AGAP1: variants seen among roughly 807,000 people sequenced by gnomAD.
AGAP1 encodes the protein ArfGAP with GTPase domain, ankyrin repeat and PH domain 1.
AGAP1 carries 29 observed loss-of-function variants against 105.3 expected under a neutral mutation model. That is an observed-to-expected ratio of 0.28 (90% CI 0.21 to 0.38). The LOEUF (loss-of-function observed/expected upper bound fraction) is 0.38, where lower values mean the gene tolerates loss of function less well. Ranked by LOEUF, AGAP1 falls within the 10% of genes least tolerant of loss-of-function variation. The probability of loss-of-function intolerance (pLI) is 1.00; values close to 1 mark genes in which losing one functional copy is unlikely to be tolerated. For missense variants in AGAP1, 998 were observed against 1,165.1 expected (o/e 0.86, Z 2.09); for synonymous variants, 509 against 485.9 (o/e 1.05, Z -0.63).
intron 13 of AGAP1, among the ~76,000 whole-genome samples, chr2:235,968,854 C>T (rs3820775): frequency 4.6e-5 from 7 of 152,254 alleles, no homozygotes; most frequent in Admixed American, 2.6e-4. Flanking sequence ...TGGCCGCCGT[C>T]GCTGGTAGCG....
At chr2:235,946,949 C>T (rs2053527845) in intron 12 of AGAP1, among the ~76,000 whole-genome samples, 1 of 152,204 alleles carries the variant, frequency 6.6e-6, no homozygotes, top group African/African-American at 2.4e-5. Context: ...CCTTCTTCCC[C>T]ACCTTACTTC....
In AGAP1 at chr2:235,834,575, AGAAAATATTTTACCTG is replaced by A. The variant is rs1559542836; in HGVS notation, c.1050+27248_1050+27263del. Reference sequence around the variant, plus strand: ...ATTTACATATTCCATGCCTGCCTTGAGAAAATATTTTACCTGGAATGTCAGTTTTTTGGGTACCATC... The same window carrying A: ...ATTTACATATTCCATGCCTGCCTTGAGAATGTCAGTTTTTTGGGTACCATC... On this transcript the variant is annotated intron_variant, in intron 9 of 17. Coordinates refer to ENST00000304032, the MANE Select transcript of AGAP1 (RefSeq NM_001037131.3). 2.0e-5 allele frequency among the ~76,000 whole-genome samples: 3 copies of A among 152,158 alleles called. No individual in the cohort carries two copies. In the South Asian group the frequency reaches 6.2e-4, roughly 32 times the overall value.
intron 13 of AGAP1, among the ~76,000 whole-genome samples, chr2:235,978,800 G>A (rs2054965200): frequency 6.6e-6 from 1 of 152,080 alleles, no homozygotes; most frequent in African/African-American, 2.4e-5. Flanking sequence ...CCCCACCACT[G>A]CCCTTGAGAA....
In AGAP1 at chr2:235,569,568, C is replaced by G. The variant is rs1944453622; in HGVS notation, c.163+74719C>G. On this transcript the variant is annotated intron_variant, in intron 1 of 17. Coordinates refer to ENST00000304032, the MANE Select transcript of AGAP1 (RefSeq NM_001037131.3). This position sits in a 1 kb window ranked among gnomAD's most constrained non-coding sequence, Gnocchi z 5.9. Reference sequence around the variant, plus strand: ...GAATTCTGCCCTCTGCCCATGTGAGCATGGTCTGTGAGCAAACCTTCCTGT... The same window carrying G: ...GAATTCTGCCCTCTGCCCATGTGAGGATGGTCTGTGAGCAAACCTTCCTGT... Among the ~76,000 whole-genome samples the G allele has an allele frequency of 6.6e-6, 1 of 152,186 alleles. No homozygotes were observed. Among genetic ancestry groups the G allele is most frequent in the African/African-American group, 2.4e-5 (1 of 41,442 alleles).
intron 9 of AGAP1, among the ~76,000 whole-genome samples, chr2:235,881,760 G>A (rs2050035640): frequency 6.6e-6 from 1 of 152,212 alleles, no homozygotes; most frequent in Non-Finnish European, 1.5e-5. Context: ...GTTAAAACAA[G>A]AAGAAATTCT....
rs982331526 is a variant in AGAP1 at position 235,728,358 on chromosome 2, T to C, written c.310+10714T>C. On this transcript the variant is annotated intron_variant, in intron 3 of 17. Transcript: ENST00000304032. This position sits in a 1 kb window ranked among gnomAD's most constrained non-coding sequence, Gnocchi z 4.3. ...TCTTAAATCAATGTAAATTAGGCTA[T>C]ATACAGCTGCCAATAATCTGCAAAA... is the stretch of plus-strand genomic sequence containing the variant. 6.7e-6 allele frequency among the ~76,000 whole-genome samples: 1 copy of C among 150,016 alleles called. No individual in the cohort carries two copies. Among genetic ancestry groups the C allele is most frequent in the Non-Finnish European group, 1.5e-5 (1 of 68,004 alleles).
chr2:235,949,789 G>A (rs774462779), intron 12 of AGAP1, among the ~76,000 whole-genome samples: 2 of 152,104 alleles, frequency 1.3e-5, no homozygotes, highest in South Asian at 2.1e-4. Flanking sequence ...CCGCACCCCC[G>A]AGCACGTGGA....
chr2:235,661,786 A>G (rs1476066216), intron 1 of AGAP1, among the ~76,000 whole-genome samples: 1 of 152,218 alleles, frequency 6.6e-6, no homozygotes, highest in Non-Finnish European at 1.5e-5. Flanking sequence ...GGGGTCTTAC[A>G]GGAGCCAGGG....
intron 8 of AGAP1, among the ~76,000 whole-genome samples, chr2:235,802,798 G>A (rs1309087063): frequency 6.4e-4 from 2 of 3,112 alleles, no homozygotes; most frequent in Non-Finnish European, 1.3e-3. Context: ...TGGTGATGAT[G>A]GTTGTGGTGG....
intron 9 of AGAP1, among the ~76,000 whole-genome samples, chr2:235,822,033 A>C (rs975088349): frequency 6.6e-5 from 10 of 152,220 alleles, no homozygotes; most frequent in African/African-American, 2.2e-4. Flanking sequence ...CACCTGTCTT[A>C]TTCCTGGGAA....
chr2:235,906,512 C>A lies in AGAP1; in HGVS notation c.1156-2226C>A, dbSNP rs1029034206. On this transcript the variant is annotated intron_variant, in intron 10 of 17. Coordinates refer to ENST00000304032, the MANE Select transcript of AGAP1 (RefSeq NM_001037131.3). This position sits in a 1 kb window ranked among gnomAD's most constrained non-coding sequence, Gnocchi z 5.3. Reference sequence around the variant, plus strand: ...GTTCTGTATTTATCTGCCAGAGTGTCCCCCGCCAGTGTGGCTGTGCCCTCA... The same window carrying A: ...GTTCTGTATTTATCTGCCAGAGTGTACCCCGCCAGTGTGGCTGTGCCCTCA... 2.6e-5 allele frequency among the ~76,000 whole-genome samples: 4 copies of A among 152,146 alleles called. No individual in the cohort carries two copies. The highest frequency in any genetic ancestry group is 5.9e-5 in the Non-Finnish European group (4 of 68,020).
At chr2:235,567,293 C>T (rs993971941) in intron 1 of AGAP1, among the ~76,000 whole-genome samples, 1 of 152,214 alleles carries the variant, frequency 6.6e-6, no homozygotes, top group African/African-American at 2.4e-5. Flanking sequence ...TGGGAAAAGG[C>T]GGAGCGGTGT....
chr2:235,636,245 C>T (rs1479315619), intron 1 of AGAP1, among the ~76,000 whole-genome samples: 1 of 152,150 alleles, frequency 6.6e-6, no homozygotes, highest in Admixed American at 6.5e-5. Flanking sequence ...CTTTCTTCAG[C>T]GAGTGCAGGG....
chr2:235,794,765 C>G (rs1252744405), intron 6 of AGAP1, among the ~76,000 whole-genome samples: 3 of 152,170 alleles, frequency 2.0e-5, no homozygotes, highest in Non-Finnish European at 4.4e-5. Context: ...AGCCACCGCG[C>G]CCAGCCGCTT....
intron 1 of AGAP1, among the ~76,000 whole-genome samples, chr2:235,563,752 G>GA (rs1185598763): frequency 6.6e-6 from 1 of 152,206 alleles, no homozygotes; most frequent in Non-Finnish European, 1.5e-5. Flanking sequence ...GAGAGAGAAG[G>GA]AAGCTAGCGT....
At position 236,124,520 on chromosome 2, in the gene AGAP1, A is replaced by C; in HGVS notation, c.*398A>C. 4.0e-6 allele frequency: 1 copy of C among 251,424 alleles called. No homozygotes were observed. Among genetic ancestry groups the C allele is most frequent in the Non-Finnish European group, 7.8e-6 (1 of 128,632 alleles). 15.6% of individuals were successfully genotyped at this position (251,424 alleles called of 1,614,324 possible). A position where few individuals can be genotyped will look rare whatever the true frequency, so the allele number is the denominator to read the frequency against. On this transcript the variant is annotated 3_prime_UTR_variant, in exon 18 of 18. Transcript: ENST00000304032. This position sits in a 1 kb window ranked among gnomAD's most constrained non-coding sequence, Gnocchi z 5.1. ...TAACTGGCAGTTGAGCACATAGTAC[A>C]TTTCCCCTCTACCAAACGGAACACT...
chr2:236,107,095 CTT>C (rs2059515480), intron 16 of AGAP1, among the ~76,000 whole-genome samples: 3 of 152,190 alleles, frequency 2.0e-5, no homozygotes, highest in African/African-American at 7.2e-5. Flanking sequence ...TCTGTCCTCT[CTT>C]TACCCGTTCC....
chr2:235,764,798 T>C (rs35989276), intron 6 of AGAP1, among the ~76,000 whole-genome samples: 6 of 26,050 alleles, frequency 2.3e-4, no homozygotes, highest in Non-Finnish European at 3.9e-4. Flanking sequence ...TCTGGGAGCG[T>C]CCGTGGGGTT....
rs1248142223 is a variant in AGAP1 at position 235,888,168 on chromosome 2, T to A, written c.1155+4719T>A. ...CAAGAGTAAACAACTGAGTCAAGTT[T>A]AAACGGAATAGGCCAATGTGGTTAT... is the stretch of plus-strand genomic sequence containing the variant. On this transcript the variant is annotated intron_variant, in intron 10 of 17. Transcript: ENST00000304032. The surrounding 1 kb of genome is among the most constrained non-coding windows in gnomAD (Gnocchi z 4.8). Among the ~76,000 whole-genome samples, 2 of 152,032 alleles carry A rather than the reference T, an allele frequency of 1.3e-5. No individual in the cohort carries two copies. Among genetic ancestry groups the A allele is most frequent in the Non-Finnish European group, 2.9e-5 (2 of 68,010 alleles).
Sources: allele counts gnomAD v4.1 joint callset (sites outside exome capture counted in the v4.1 genomes callset), GRCh38; gene constraint gnomAD v4.1.1; non-coding constraint Gnocchi (gnomAD v3.1); transcripts MANE v1.5; gene names NCBI Gene and HGNC (gene_info 2026-07-23, HGNC 2026-07-21).